The following KCNC2 variants were observed in gnomAD, a reference collection of about 807,000 sequenced individuals.
KCNC2 encodes the protein voltage-gated potassium channel KCNC2.
Under a neutral mutation model 44.5 loss-of-function variants are expected in KCNC2, and 21 were observed. That is an observed-to-expected ratio of 0.47 (90% CI 0.33 to 0.68). KCNC2 has a LOEUF of 0.68. Among genes scored for constraint, KCNC2 ranks in the 30% least tolerant of loss-of-function variants. The pLI, the probability that KCNC2 is intolerant of heterozygous loss-of-function variation, is 0.01. For missense variants in KCNC2, 589 were observed against 826.2 expected (o/e 0.71, Z 3.52); for synonymous variants, 391 against 339.1 (o/e 1.15, Z -1.68).
chr12:75,058,417 A>T (rs190848680), intron 2 of KCNC2, among the ~76,000 whole-genome samples: 1 of 152,174 alleles, frequency 6.6e-6, no homozygotes, highest in Admixed American at 6.6e-5. Context: ...ATCTAGTGTT[A>T]TAGAGTCACA....
chr12:75,183,814 T>C (rs1040175251), intron 2 of KCNC2, among the ~76,000 whole-genome samples: 6 of 152,206 alleles, frequency 3.9e-5, no homozygotes, highest in Admixed American at 3.9e-4. Flanking sequence ...ATATCGCTCT[T>C]AGGATAAGCC....
chr12:75,106,569 A>G (rs1886802244), intron 2 of KCNC2, among the ~76,000 whole-genome samples: 1 of 152,198 alleles, frequency 6.6e-6, no homozygotes, highest in South Asian at 2.1e-4. Flanking sequence ...AAATAGGAGA[A>G]AATCAAAGGA....
chr12:75,059,111 A>G (rs1404287868), intron 2 of KCNC2, among the ~76,000 whole-genome samples: 1 of 152,102 alleles, frequency 6.6e-6, no homozygotes, highest in Non-Finnish European at 1.5e-5. Flanking sequence ...GTAAATTTAC[A>G]CTAAAAGATC....
At chr12:75,155,350 G>T (rs1890684127) in intron 2 of KCNC2, among the ~76,000 whole-genome samples, 1 of 151,614 alleles carries the variant, frequency 6.6e-6, no homozygotes, top group South Asian at 2.1e-4. Flanking sequence ...AAACAAAGCA[G>T]AAACAAAGAA....
intron 2 of KCNC2, among the ~76,000 whole-genome samples, chr12:75,201,299 C>A (rs73357312): frequency 0.88 from 59,396 of 67,684 alleles, 26,177 homozygotes; most frequent in Middle Eastern, 0.94. Context: ...AAAAAAAAAA[C>A]CAGATTCTGG....
intron 2 of KCNC2, among the ~76,000 whole-genome samples, chr12:75,117,492 A>G (rs1887751873): frequency 6.6e-6 from 1 of 152,174 alleles, no homozygotes. Flanking sequence ...TTTATAGTCA[A>G]AAGCTATTTT....
intron 2 of KCNC2, among the ~76,000 whole-genome samples, chr12:75,142,474 G>T (rs1351914347): frequency 6.6e-6 from 1 of 152,158 alleles, no homozygotes; most frequent in Non-Finnish European, 1.5e-5. Flanking sequence ...TGATTAAACA[G>T]GCACTCTACG....
At chr12:75,136,358 C>T (rs1889230079) in intron 2 of KCNC2, among the ~76,000 whole-genome samples, 1 of 151,756 alleles carries the variant, frequency 6.6e-6, no homozygotes, top group Non-Finnish European at 1.5e-5. Flanking sequence ...CTAAGTGAAA[C>T]TGAGACCAAG....
intron 2 of KCNC2, among the ~76,000 whole-genome samples, chr12:75,143,556 C>T (rs1425193344): frequency 6.6e-6 from 1 of 152,150 alleles, no homozygotes. Flanking sequence ...TCAAGCCCTA[C>T]ATGCCTGTTA....
chr12:75,047,619 T>G (rs1294288418), intron 4 of KCNC2, among the ~76,000 whole-genome samples: 1 of 152,112 alleles, frequency 6.6e-6, no homozygotes, highest in Non-Finnish European at 1.5e-5. Context: ...TCCATATGAC[T>G]GCGGATCACG....
chr12:75,094,131 G>A (rs1344256660), intron 2 of KCNC2, among the ~76,000 whole-genome samples: 6 of 151,590 alleles, frequency 4.0e-5, no homozygotes, highest in Non-Finnish European at 5.9e-5. Flanking sequence ...ATTTTGGCAC[G>A]TACAACTTTC....
At chr12:75,128,737 A>C (rs1888621933) in intron 2 of KCNC2, among the ~76,000 whole-genome samples, 1 of 152,202 alleles carries the variant, frequency 6.6e-6, no homozygotes, top group South Asian at 2.1e-4. Context: ...CTTTAAACTC[A>C]TTAATTTCAT....
chr12:75,112,019 T>G (rs914523950), intron 2 of KCNC2, among the ~76,000 whole-genome samples: 2 of 152,056 alleles, frequency 1.3e-5, no homozygotes, highest in African/African-American at 4.8e-5. Flanking sequence ...AAATACTCTA[T>G]GCAGTTTATA....
chr12:75,100,102 T>C (rs1379963), intron 2 of KCNC2, among the ~76,000 whole-genome samples: 107,191 of 151,874 alleles, frequency 0.71, 38,143 homozygotes, highest in East Asian at 0.8. Context: ...TTTCTTACTA[T>C]TGGGGTTCAT....
intron 2 of KCNC2, 103 bp from the exon 3 acceptor site, chr12:75,051,420 A>C: frequency 2.9e-6 from 2 of 691,520 alleles, no homozygotes; most frequent in Non-Finnish European, 4.8e-6. Context: ...AAAGAATAAC[A>C]GCATATTTAG....
In KCNC2 at chr12:75,126,104, C is replaced by T. The variant is rs376644418; in HGVS notation, c.688-74787G>A. ...ATGAGCAAAACTAAAAAACCCGAGT[C>T]TCTCTTCTCTCAATCTCATGTGCTT... On this transcript the variant is annotated intron_variant, in intron 2 of 4. Coordinates refer to ENST00000549446, the MANE Select transcript of KCNC2 (RefSeq NM_139137.4). Among the ~76,000 whole-genome samples the T allele has an allele frequency of 1.4e-4, 22 of 152,130 alleles. 1 individual carries two copies. Among genetic ancestry groups the T allele is most frequent in the African/African-American group, 4.8e-4 (20 of 41,532 alleles).
intron 2 of KCNC2, among the ~76,000 whole-genome samples, chr12:75,064,370 G>GT (rs1297508744): frequency 6.6e-6 from 1 of 151,904 alleles, no homozygotes. Flanking sequence ...CTTTCATGAT[G>GT]TAAGTCCATG....
chr12:75,099,286 A>C (rs1476777559), intron 2 of KCNC2, among the ~76,000 whole-genome samples: 5 of 152,114 alleles, frequency 3.3e-5, no homozygotes. Context: ...TCATGCACAA[A>C]CCCTCAACTG....
chr12:75,074,136 G>C (rs1202915405), intron 2 of KCNC2, among the ~76,000 whole-genome samples: 1 of 150,022 alleles, frequency 6.7e-6, no homozygotes, highest in Non-Finnish European at 1.5e-5. Context: ...AGCATGTTAA[G>C]TAAAAAAAAG....
Sources: gnomAD v4.1 joint callset for allele counts (sites outside exome capture counted in the v4.1 genomes callset) on GRCh38, gnomAD v4.1.1 for gene constraint, MANE v1.5 for transcripts, NCBI Gene and HGNC (gene_info 2026-07-23, HGNC 2026-07-21) for gene names.